The following PSEN1 variants were observed in gnomAD, a reference collection of about 807,000 sequenced individuals.
PSEN1 encodes the protein presenilin-1.
PSEN1 carries 15 observed loss-of-function variants against 53.5 expected under a neutral mutation model. The ratio of observed to expected loss-of-function variants is 0.28; its 90% confidence interval spans 0.19 to 0.43. The LOEUF is 0.43. PSEN1 is among the 20% of genes least tolerant of loss of function. PSEN1 has a pLI of 1.00. For missense variants in PSEN1, 387 were observed against 571.2 expected, an observed-to-expected ratio of 0.68 and a Z score of 3.29; for synonymous variants, 208 against 209.8, an observed-to-expected ratio of 0.99 and a Z score of 0.08.
intron 6 of PSEN1, among the ~76,000 whole-genome samples, chr14:73,191,281 G>T (rs561453067): frequency 1.3e-5 from 2 of 152,104 alleles, no homozygotes; most frequent in South Asian, 4.2e-4. Context: ...ACACTACTTT[G>T]CATAAATGGG....
At chr14:73,207,077 A>G (rs1283255209) in intron 9 of PSEN1, among the ~76,000 whole-genome samples, 2 of 152,166 alleles carry the variant, frequency 1.3e-5, no homozygotes, top group African/African-American at 4.8e-5. Context: ...TCCCAGCTAC[A>G]TGGCCAAGGC....
At chr14:73,212,956 G>A (rs757938634) in intron 10 of PSEN1, among the ~76,000 whole-genome samples, 4 of 152,202 alleles carry the variant, frequency 2.6e-5, no homozygotes, top group Non-Finnish European at 5.9e-5. Flanking sequence ...AGGTTCCTTA[G>A]CATCTTTAAT....
intron 7 of PSEN1, among the ~76,000 whole-genome samples, chr14:73,193,641 T>C (rs1020076996): frequency 6.6e-6 from 1 of 151,986 alleles, no homozygotes; most frequent in Non-Finnish European, 1.5e-5. Context: ...TTTTTTCCTT[T>C]ATATCTTACT....
At chr14:73,208,190 C>T (rs1029215706) in intron 9 of PSEN1, among the ~76,000 whole-genome samples, 4 of 152,338 alleles carry the variant, frequency 2.6e-5, no homozygotes, top group Middle Eastern at 6.8e-3. Flanking sequence ...CTCTCCTTCT[C>T]GCCACCTGCA....
chr14:73,150,327 C>T (rs1897181532), intron 3 of PSEN1, among the ~76,000 whole-genome samples: 1 of 152,146 alleles, frequency 6.6e-6, no homozygotes, highest in Non-Finnish European at 1.5e-5. Flanking sequence ...TGAAGTGCTC[C>T]TCCCCCATTC....
intron 3 of PSEN1, among the ~76,000 whole-genome samples, chr14:73,162,302 A>G (rs1463652544): frequency 6.6e-6 from 1 of 152,082 alleles, no homozygotes; most frequent in Non-Finnish European, 1.5e-5. Flanking sequence ...TCAGATTGGT[A>G]AAAATCTAAG....
At chr14:73,185,369 C>T (rs1335962343) in intron 5 of PSEN1, among the ~76,000 whole-genome samples, 1 of 152,202 alleles carries the variant, frequency 6.6e-6, no homozygotes, top group Non-Finnish European at 1.5e-5. Context: ...CTCGGGAGGC[C>T]GAGGCTGGTG....
chr14:73,186,683 A>G (rs1898525651), intron 5 of PSEN1, among the ~76,000 whole-genome samples, 170 bp from the exon 6 acceptor site: 2 of 152,142 alleles, frequency 1.3e-5, no homozygotes. Flanking sequence ...AGGCTTAAGC[A>G]CGAGAATTGC....
Position 73,173,653 on chromosome 14 carries a change from C to T in PSEN1, c.426C>T (p.Val142=). Residue 142 remains valine, a synonymous_variant, in exon 5 of 12, where the codon GTC becomes GTT. Transcript: ENST00000324501. Reference sequence around the variant, plus strand: ...TGAATGCTGCCATCATGATCAGTGTCATTGTTGTCATGACTATCCTCCTGG... The same window carrying T: ...TGAATGCTGCCATCATGATCAGTGTTATTGTTGTCATGACTATCCTCCTGG... ...SILNAAIMIS[V]IVVMTILLVV... The T allele has an allele frequency of 1.2e-6, 2 of 1,613,914 alleles. No individual in the cohort carries two copies. The highest frequency in any genetic ancestry group is 3.3e-5 in the Admixed American group (2 of 60,008).
At chr14:73,143,372 A>G (rs929548972) in intron 1 of PSEN1, among the ~76,000 whole-genome samples, 4 of 152,180 alleles carry the variant, frequency 2.6e-5, no homozygotes, top group African/African-American at 9.6e-5. Flanking sequence ...GAACTGGAAA[A>G]GACTTGGGCT....
At chr14:73,161,925 C>T (rs1422191952) in intron 3 of PSEN1, among the ~76,000 whole-genome samples, 4 of 140,630 alleles carry the variant, frequency 2.8e-5, no homozygotes, top group South Asian at 4.8e-4. Flanking sequence ...GAGGCTGAGG[C>T]GGGCGGATCA....
chr14:73,223,343 G>A lies in PSEN1; in HGVS notation c.*4054G>A, dbSNP rs934407266. The A allele has an allele frequency of 6.6e-6, 1 of 152,254 alleles. No individual in the cohort carries two copies. The highest frequency in any genetic ancestry group is 1.5e-5 in the Non-Finnish European group (1 of 68,064). The allele number at this position is 152,254 out of a possible 1,614,324, so 9.4% of individuals were successfully genotyped here. ...CATGTGGTGGCAGCATTGCCAGTTGGTCTGTGTGTCTGTGTAGCAGGGACG... is the reference window on the plus strand; with the variant it reads ...CATGTGGTGGCAGCATTGCCAGTTGATCTGTGTGTCTGTGTAGCAGGGACG... On this transcript the variant is annotated 3_prime_UTR_variant, in exon 12 of 12. Transcript: ENST00000324501.
chr14:73,152,496 A>G (rs982575201), intron 3 of PSEN1, among the ~76,000 whole-genome samples: 1 of 151,448 alleles, frequency 6.6e-6, no homozygotes, highest in Non-Finnish European at 1.5e-5. Context: ...AGTCCCAGCT[A>G]CTCAGGAGAC....
intron 7 of PSEN1, among the ~76,000 whole-genome samples, chr14:73,196,397 TATA>T (rs923854087): frequency 2.7e-5 from 4 of 149,372 alleles, no homozygotes; most frequent in African/African-American, 9.9e-5. Context: ...TATATTATAT[TATA>T]GTTCTATATA....
At chr14:73,147,304 G>C (rs1037750862) in intron 1 of PSEN1, among the ~76,000 whole-genome samples, 1 of 152,042 alleles carries the variant, frequency 6.6e-6, no homozygotes, top group African/African-American at 2.4e-5. Context: ...TTTCTTGCCA[G>C]CTCTACCCAG....
intron 3 of PSEN1, among the ~76,000 whole-genome samples, chr14:73,158,282 T>TTCTATCTATCTATCTGTCTA (rs1555351587): frequency 6.6e-4 from 93 of 141,572 alleles, no homozygotes; most frequent in African/African-American, 2.2e-3. Flanking sequence ...TAACTTTTTT[T>TTCTATCTATCTATCTGTCTA]TCTATCTATC....
chr14:73,144,035 C>CTTTTTT (rs766901431), intron 1 of PSEN1, among the ~76,000 whole-genome samples: 1 of 59,484 alleles, frequency 1.7e-5, no homozygotes, highest in African/African-American at 6.6e-5. Flanking sequence ...TATAGCTTAT[C>CTTTTTT]TTTTTTTTTT....
chr14:73,175,148 C>T (rs191493181), intron 5 of PSEN1, among the ~76,000 whole-genome samples: 4 of 152,060 alleles, frequency 2.6e-5, no homozygotes, highest in African/African-American at 9.6e-5. Context: ...TTCCCCGAGA[C>T]GAAGTCTCGC....
At chr14:73,194,622 G>A (rs1294597413) in intron 7 of PSEN1, among the ~76,000 whole-genome samples, 1 of 144,152 alleles carries the variant, frequency 6.9e-6, no homozygotes, top group East Asian at 2.1e-4. Flanking sequence ...AGACTGGAGT[G>A]CAGTGGCGTG....
Sources: allele counts gnomAD v4.1 joint callset (sites outside exome capture counted in the v4.1 genomes callset), GRCh38; gene constraint gnomAD v4.1.1; transcripts MANE v1.5; gene names NCBI Gene and HGNC (gene_info 2026-07-23, HGNC 2026-07-21).